ZNF704: variants seen among roughly 807,000 people sequenced by gnomAD.
The protein encoded by ZNF704 is zinc finger protein 704.
In ZNF704, 10 loss-of-function variants were observed where a neutral mutation model predicts 44.7. That is an observed-to-expected ratio of 0.22 (90% confidence interval 0.14 to 0.38). The LOEUF (loss-of-function observed/expected upper bound fraction) is 0.38, where lower values mean the gene tolerates loss of function less well. Among genes scored for constraint, ZNF704 ranks in the 10% least tolerant of loss-of-function variants. The pLI is 1.00. For missense variants in ZNF704, 390 were observed against 545.5 expected (o/e 0.71, Z 2.84); for synonymous variants, 211 against 207.6 (o/e 1.02, Z -0.14).
chr8:80,840,658 G>A (rs529560947), intron 1 of ZNF704, among the ~76,000 whole-genome samples: 4 of 152,158 alleles, frequency 2.6e-5, no homozygotes, highest in Non-Finnish European at 4.4e-5. Flanking sequence ...CAATAGAGTC[G>A]TCTTCCCAGG....
intron 2 of ZNF704, among the ~76,000 whole-genome samples, chr8:80,720,566 G>C (rs1259772925): frequency 2.0e-5 from 3 of 152,216 alleles, no homozygotes; most frequent in Admixed American, 2.0e-4. Flanking sequence ...GGTAAGGAAA[G>C]GAATTGTTCT....
intron 2 of ZNF704, among the ~76,000 whole-genome samples, chr8:80,771,910 CAA>C (rs1807327054): frequency 1.3e-5 from 2 of 152,240 alleles, no homozygotes; most frequent in African/African-American, 4.8e-5. Context: ...TGAATTTTGT[CAA>C]ATGCTTTTCT....
chr8:80,832,851 A>G (rs1808492774), intron 1 of ZNF704, among the ~76,000 whole-genome samples: 1 of 152,190 alleles, frequency 6.6e-6, no homozygotes, highest in African/African-American at 2.4e-5. Context: ...TCTATTTCAG[A>G]TTATTCCCCT....
intron 3 of ZNF704, among the ~76,000 whole-genome samples, chr8:80,691,264 A>G (rs1404929829): frequency 6.6e-6 from 1 of 152,234 alleles, no homozygotes; most frequent in African/African-American, 2.4e-5. Context: ...GGTTTTTGAG[A>G]GAAGGTTTTC....
At chr8:80,836,034 C>T (rs976117697) in intron 1 of ZNF704, among the ~76,000 whole-genome samples, 10 of 152,154 alleles carry the variant, frequency 6.6e-5, no homozygotes, top group African/African-American at 2.2e-4. Context: ...GCACCGCCTC[C>T]CATGAACCCC....
upstream of ZNF704, among the ~76,000 whole-genome samples, chr8:80,878,246 G>GAGAA (rs1315722234): frequency 2.2e-5 from 3 of 134,238 alleles, no homozygotes; most frequent in African/African-American, 8.6e-5. Flanking sequence ...CAGAAAGAAA[G>GAGAA]AGAAAGAAAG....
At chr8:80,669,080 G>A (rs907552912) in intron 5 of ZNF704, among the ~76,000 whole-genome samples, 2 of 152,154 alleles carry the variant, frequency 1.3e-5, no homozygotes, top group Non-Finnish European at 1.5e-5. Context: ...GGAACTCACA[G>A]GACTAACACG....
At chr8:80,756,074 ACTCCAGC>A (rs1807030024) in intron 2 of ZNF704, among the ~76,000 whole-genome samples, 1 of 151,516 alleles carries the variant, frequency 6.6e-6, no homozygotes, top group Admixed American at 6.6e-5. Context: ...ACGCCACTGC[ACTCCAGC>A]CTGTGTAACA....
At chr8:80,818,558 T>A (rs1007382472) in intron 2 of ZNF704, among the ~76,000 whole-genome samples, 2 of 152,162 alleles carry the variant, frequency 1.3e-5, no homozygotes, top group African/African-American at 4.8e-5. Context: ...ACTATGTAAA[T>A]AGTTGTTATA....
At chr8:80,670,060 G>GA (rs1317481309) in intron 5 of ZNF704, among the ~76,000 whole-genome samples, 1 of 152,096 alleles carries the variant, frequency 6.6e-6, no homozygotes, top group Non-Finnish European at 1.5e-5. Flanking sequence ...CTCTCCACTG[G>GA]AAAATAAATG....
chr8:80,759,214 T>C (rs755884866), intron 2 of ZNF704, among the ~76,000 whole-genome samples: 18 of 152,002 alleles, frequency 1.2e-4, no homozygotes, highest in Non-Finnish European at 1.5e-5. Context: ...ACTAGAATGT[T>C]CAGCTTTGTA....
Position 80,631,746 on chromosome 8 carries a change from A to G in ZNF704, c.*9620T>C, listed in dbSNP as rs2131579066. ...TGTGATGAGCGTGGCTGGCTGTGTGACTAAGCCGCTCTCCTCATGATCACC... is the reference window on the plus strand; with the variant it reads ...TGTGATGAGCGTGGCTGGCTGTGTGGCTAAGCCGCTCTCCTCATGATCACC... On this transcript the variant is annotated 3_prime_UTR_variant, in exon 9 of 9. Transcript: ENST00000327835. 1 of 152,330 alleles carries G rather than the reference A, an allele frequency of 6.6e-6. No homozygotes were observed. Among genetic ancestry groups the G allele is most frequent in the South Asian group, 2.1e-4 (1 of 4,828 alleles). The allele number at this position is 152,330 out of a possible 1,614,324, so 9.4% of individuals were successfully genotyped here.
chr8:80,679,749 T>A (rs752846821), intron 4 of ZNF704, among the ~76,000 whole-genome samples: 1 of 152,204 alleles, frequency 6.6e-6, no homozygotes, highest in Non-Finnish European at 1.5e-5. Context: ...AGCTTCCACG[T>A]GTACTTTATT....
At chr8:80,818,108 A>C (rs768235921) in intron 2 of ZNF704, among the ~76,000 whole-genome samples, 8 of 152,208 alleles carry the variant, frequency 5.3e-5, no homozygotes, top group Non-Finnish European at 8.8e-5. Flanking sequence ...TAAGCGATTG[A>C]AATACATGTA....
intron 2 of ZNF704, among the ~76,000 whole-genome samples, chr8:80,732,025 A>G (rs887680307): frequency 6.6e-6 from 1 of 152,164 alleles, no homozygotes; most frequent in Non-Finnish European, 1.5e-5. Context: ...AATACTAAAG[A>G]CCAATTATAT....
At chr8:80,732,561 C>T (rs1237690410) in intron 2 of ZNF704, among the ~76,000 whole-genome samples, 1 of 152,226 alleles carries the variant, frequency 6.6e-6, no homozygotes, top group African/African-American at 2.4e-5. Context: ...CCCTGCCACC[C>T]ATATGAGGGA....
intron 1 of ZNF704, among the ~76,000 whole-genome samples, chr8:80,846,685 T>C (rs778616417): frequency 1.3e-5 from 2 of 152,138 alleles, no homozygotes; most frequent in Non-Finnish European, 2.9e-5. Context: ...TCCAGAAAAA[T>C]TTAACTCAAT....
intron 4 of ZNF704, among the ~76,000 whole-genome samples, chr8:80,683,045 C>CAA (rs1302867885): frequency 6.6e-6 from 1 of 152,186 alleles, no homozygotes; most frequent in Non-Finnish European, 1.5e-5. Context: ...TGATGGTTAA[C>CAA]TCTTTGGCCT....
chr8:80,651,846 C>G (rs1007849563), intron 7 of ZNF704, among the ~76,000 whole-genome samples: 2 of 152,124 alleles, frequency 1.3e-5, no homozygotes, highest in African/African-American at 4.8e-5. Context: ...CTCTCCACCC[C>G]AAATCAACAG....
Sources: allele counts gnomAD v4.1 joint callset (sites outside exome capture counted in the v4.1 genomes callset), GRCh38; gene constraint gnomAD v4.1.1; transcripts MANE v1.5; gene names NCBI Gene and HGNC (gene_info 2026-07-23, HGNC 2026-07-21).